The following EEIG2 variants were observed in gnomAD, a reference collection of about 807,000 sequenced individuals.
EEIG2 encodes family with sequence similarity 102 member B.
chr1:108,585,337 C>T, the EEIG2 span, among the ~76,000 whole-genome samples: 3 of 152,226 alleles, frequency 2.0e-5, no homozygotes, highest in East Asian at 1.9e-4. Context: ...AACATCAGTC[C>T]GGCATTCAAA....
chr1:108,616,294 T>C, the EEIG2 span: 1 of 848,170 alleles, frequency 1.2e-6, no homozygotes, highest in Non-Finnish European at 1.9e-6. Flanking sequence ...TATTTAATGC[T>C]TTCCCAATAG....
the EEIG2 span, among the ~76,000 whole-genome samples, chr1:108,624,069 A>G: frequency 6.6e-6 from 1 of 152,234 alleles, no homozygotes; most frequent in Admixed American, 6.5e-5. Flanking sequence ...TAACCAATGA[A>G]AATAGATCCA....
At chr1:108,621,541 G>A in the EEIG2 span, among the ~76,000 whole-genome samples, 1 of 152,172 alleles carries the variant, frequency 6.6e-6, no homozygotes, top group African/African-American at 2.4e-5. Flanking sequence ...TGCTTAAAGA[G>A]TTGTGGCTGT....
the EEIG2 span, among the ~76,000 whole-genome samples, chr1:108,586,158 A>G: frequency 6.6e-6 from 1 of 152,032 alleles, no homozygotes; most frequent in Non-Finnish European, 1.5e-5. Flanking sequence ...AGTAGCTTTC[A>G]TTTGCAAGGC....
chr1:108,634,236 A>G, the EEIG2 span, among the ~76,000 whole-genome samples: 36 of 152,306 alleles, frequency 2.4e-4, no homozygotes, highest in South Asian at 1.9e-3. Context: ...TGTAGGATGA[A>G]TGGGTGCTCA....
chr1:108,561,143 A>G, the EEIG2 span, among the ~76,000 whole-genome samples: 1 of 152,200 alleles, frequency 6.6e-6, no homozygotes, highest in African/African-American at 2.4e-5. Flanking sequence ...TGAAGTGGCC[A>G]CTAGTAGGTC....
At chr1:108,560,119 C>T in the EEIG2 span, 4 of 174,454 alleles carry the variant, frequency 2.3e-5, no homozygotes, top group South Asian at 1.3e-4. Context: ...GCAGCGGCGG[C>T]GGAGGCGGCG....
chr1:108,567,307 T>G, the EEIG2 span, among the ~76,000 whole-genome samples: 6 of 152,318 alleles, frequency 3.9e-5, no homozygotes, highest in Non-Finnish European at 7.4e-5. Flanking sequence ...GCCTTTACAT[T>G]TAATCTTCAA....
chr1:108,590,718 A>G, the EEIG2 span, among the ~76,000 whole-genome samples: 6 of 150,002 alleles, frequency 4.0e-5, no homozygotes, highest in Admixed American at 3.3e-4. Flanking sequence ...TATCTGGCAA[A>G]CAGTTTGCAT....
the EEIG2 span, among the ~76,000 whole-genome samples, chr1:108,585,093 T>G: frequency 2.0e-5 from 3 of 152,148 alleles, no homozygotes; most frequent in African/African-American, 7.2e-5. Context: ...TTATACACAA[T>G]TGAAAACTGT....
the EEIG2 span, among the ~76,000 whole-genome samples, chr1:108,580,771 A>G: frequency 6.6e-6 from 1 of 152,184 alleles, no homozygotes; most frequent in Non-Finnish European, 1.5e-5. Context: ...AAGCTAGCAT[A>G]GGTTGATTCA....
chr1:108,579,738 G>GGT, the EEIG2 span, among the ~76,000 whole-genome samples: 831 of 107,990 alleles, frequency 7.7e-3, 31 homozygotes, highest in East Asian at 0.044. Flanking sequence ...TTGTTTTTTT[G>GGT]GTGTGTGTGT....
At chr1:108,617,360 TG>T in the EEIG2 span, among the ~76,000 whole-genome samples, 1 of 152,190 alleles carries the variant, frequency 6.6e-6, no homozygotes, top group South Asian at 2.1e-4. Flanking sequence ...GATAAAAGGC[TG>T]TTTTCAGTAA....
At chr1:108,595,641 A>G in the EEIG2 span, among the ~76,000 whole-genome samples, 5 of 138,726 alleles carry the variant, frequency 3.6e-5, no homozygotes, top group South Asian at 2.5e-4. Flanking sequence ...GGGAGGGAGG[A>G]AGATGTAATA....
the EEIG2 span, among the ~76,000 whole-genome samples, chr1:108,608,143 G>A: frequency 2.0e-5 from 3 of 152,044 alleles, no homozygotes; most frequent in Non-Finnish European, 4.4e-5. Context: ...TCACAAACCT[G>A]GAGTATCCCA....
chr1:108,563,181 T>C, the EEIG2 span, among the ~76,000 whole-genome samples: 4 of 152,182 alleles, frequency 2.6e-5, no homozygotes, highest in Non-Finnish European at 4.4e-5. Context: ...TACAAAACTT[T>C]ACGTAAATGA....
chr1:108,627,062 T>A, the EEIG2 span: 1 of 152,236 alleles, frequency 6.6e-6, no homozygotes, highest in Non-Finnish European at 1.5e-5. Context: ...TGTACAGTAT[T>A]AGGCACCTGA....
At chr1:108,618,410 C>T in the EEIG2 span, among the ~76,000 whole-genome samples, 1 of 152,186 alleles carries the variant, frequency 6.6e-6, no homozygotes, top group Non-Finnish European at 1.5e-5. Flanking sequence ...CAGAAGTCCT[C>T]ACAGAGAGTG....
the EEIG2 span, among the ~76,000 whole-genome samples, chr1:108,618,830 C>G: frequency 9.7e-6 from 1 of 102,840 alleles, no homozygotes; most frequent in Non-Finnish European, 2.3e-5. Context: ...GAGCAAGCCC[C>G]TGTCTCAAAA....
Sources: gnomAD v4.1 joint callset for allele counts (sites outside exome capture counted in the v4.1 genomes callset) on GRCh38, gnomAD v4.1.1 for gene constraint, MANE v1.5 for transcripts, NCBI Gene and HGNC (gene_info 2026-07-23, HGNC 2026-07-21) for gene names.